MACROD2: variants seen among roughly 807,000 people sequenced by gnomAD.
MACROD2 encodes the protein ADP-ribose glycohydrolase MACROD2.
A neutral mutation model predicts 70.4 loss-of-function variants in MACROD2; 36 were observed. The observed-to-expected ratio is 0.51, with a 90% CI of 0.39 to 0.68. The LOEUF is 0.68. Among genes scored for constraint, MACROD2 ranks in the 30% least tolerant of loss-of-function variants. The pLI, the probability that MACROD2 is intolerant of heterozygous loss-of-function variation, is 0.00. For missense variants in MACROD2, 496 were observed against 538.4 expected (o/e 0.92, Z 0.78); for synonymous variants, 172 against 178.8 (o/e 0.96, Z 0.30).
At chr20:15,365,113 A>C (rs2045389821) in intron 6 of MACROD2, among the ~76,000 whole-genome samples, 1 of 152,188 alleles carries the variant, frequency 6.6e-6, no homozygotes, top group South Asian at 2.1e-4. Context: ...ATTGTACCAC[A>C]CATTAGTTTT....
intron 8 of MACROD2, among the ~76,000 whole-genome samples, chr20:15,595,337 A>T (rs575599535): frequency 1.3e-5 from 2 of 152,348 alleles, no homozygotes; most frequent in East Asian, 1.9e-4. Context: ...AGGAATCCTC[A>T]TACAAAAAAT....
At chr20:14,212,844 T>C (rs2081581603) in intron 3 of MACROD2, among the ~76,000 whole-genome samples, 1 of 151,716 alleles carries the variant, frequency 6.6e-6, no homozygotes, top group Non-Finnish European at 1.5e-5. Flanking sequence ...AGCCACTCAA[T>C]AGAGGAAGGT....
intron 7 of MACROD2, among the ~76,000 whole-genome samples, chr20:15,485,278 G>A (rs550987777): frequency 2.7e-5 from 4 of 150,816 alleles, no homozygotes; most frequent in African/African-American, 7.3e-5. Flanking sequence ...ACATCGACTC[G>A]ATTTTTCCCT....
intron 3 of MACROD2, among the ~76,000 whole-genome samples, chr20:14,256,917 G>T (rs1489601583): frequency 1.3e-5 from 2 of 151,956 alleles, no homozygotes; most frequent in Non-Finnish European, 2.9e-5. Flanking sequence ...ATTTTCCCAT[G>T]ATCTTCTAAT....
intron 4 of MACROD2, among the ~76,000 whole-genome samples, chr20:14,645,682 G>A (rs1293587039): frequency 6.6e-6 from 1 of 151,926 alleles, no homozygotes; most frequent in African/African-American, 2.4e-5. Flanking sequence ...AATTTTCATG[G>A]TACATTATTT....
At chr20:15,313,762 G>A (rs571328120) in intron 6 of MACROD2, among the ~76,000 whole-genome samples, 37 of 152,264 alleles carry the variant, frequency 2.4e-4, no homozygotes, top group Non-Finnish European at 1.5e-5. Flanking sequence ...ATAAATGAAT[G>A]TCTATGTGTA....
intron 5 of MACROD2, among the ~76,000 whole-genome samples, chr20:14,841,496 C>G (rs948378402): frequency 6.0e-5 from 9 of 150,816 alleles, no homozygotes; most frequent in Admixed American, 4.0e-4. Flanking sequence ...TGGAGACTAC[C>G]TGAGATTACC....
chr20:15,393,287 A>C (rs1361385571), intron 6 of MACROD2, among the ~76,000 whole-genome samples: 1 of 152,172 alleles, frequency 6.6e-6, no homozygotes, highest in East Asian at 1.9e-4. Flanking sequence ...ATTGGAAGGG[A>C]ACAGATGGGG....
intron 6 of MACROD2, among the ~76,000 whole-genome samples, chr20:15,379,676 T>C (rs1210078916): frequency 1.3e-5 from 2 of 152,350 alleles, no homozygotes; most frequent in Non-Finnish European, 2.9e-5. Context: ...TACTCCTCTC[T>C]GTCTCCACCA....
In MACROD2 at chr20:13,995,567, G is replaced by T; in HGVS notation, c.-197G>T. On this transcript the variant is annotated 5_prime_UTR_variant, in exon 1 of 18. Coordinates refer to ENST00000684519, the MANE Select transcript of MACROD2 (RefSeq NM_001351661.2). The surrounding 1 kb of genome is among the most constrained non-coding windows in gnomAD (Gnocchi z 4.3). ...GGCGTCCGCGGGGCTGAGGCGGGTG[G>T]GAGCCGGAGCCGAGCGCGGGCTGAG... The T allele has an allele frequency of 3.0e-6, 2 of 658,382 alleles. No individual in the cohort carries two copies. The highest frequency in any genetic ancestry group is 5.6e-6 in the Non-Finnish European group (2 of 357,532). 40.8% of individuals were successfully genotyped at this position (658,382 alleles called of 1,614,324 possible). A position where few individuals can be genotyped will look rare whatever the true frequency, so the allele number is the denominator to read the frequency against.
At chr20:15,785,773 A>G (rs955353107) in intron 8 of MACROD2, among the ~76,000 whole-genome samples, 1 of 152,148 alleles carries the variant, frequency 6.6e-6, no homozygotes, top group African/African-American at 2.4e-5. Context: ...CTTTCTCTTC[A>G]TCCCGATACT....
At chr20:15,678,573 A>G (rs896995861) in intron 8 of MACROD2, among the ~76,000 whole-genome samples, 2 of 152,118 alleles carry the variant, frequency 1.3e-5, no homozygotes, top group Non-Finnish European at 2.9e-5. Flanking sequence ...GTTAGCCAGG[A>G]TGGTCTCAAT....
At chr20:14,065,997 A>G (rs142920510) in intron 2 of MACROD2, among the ~76,000 whole-genome samples, 1 of 152,214 alleles carries the variant, frequency 6.6e-6, no homozygotes, top group Non-Finnish European at 1.5e-5. Flanking sequence ...CTTTAGTTTC[A>G]TTATCCATAG....
At chr20:15,392,707 T>C (rs758900908) in intron 6 of MACROD2, among the ~76,000 whole-genome samples, 2 of 152,156 alleles carry the variant, frequency 1.3e-5, no homozygotes, top group African/African-American at 2.4e-5. Flanking sequence ...GTTCTCTCTC[T>C]TTCCCTTGCT....
At chr20:14,434,114 A>T (rs1480073893) in intron 3 of MACROD2, among the ~76,000 whole-genome samples, 1 of 152,160 alleles carries the variant, frequency 6.6e-6, no homozygotes, top group African/African-American at 2.4e-5. Context: ...AGACAAGTGA[A>T]CACAAAACTG....
intron 5 of MACROD2, among the ~76,000 whole-genome samples, chr20:14,738,851 A>G (rs912517929): frequency 6.6e-6 from 1 of 152,006 alleles, no homozygotes; most frequent in African/African-American, 2.4e-5. Context: ...TGGAAAACAG[A>G]AGGGAAAATA....
At chr20:14,707,169 G>A (rs1168557847) in intron 5 of MACROD2, among the ~76,000 whole-genome samples, 1 of 152,126 alleles carries the variant, frequency 6.6e-6, no homozygotes, top group African/African-American at 2.4e-5. Flanking sequence ...TCTCCTAAAA[G>A]GCTGGGATGA....
chr20:15,217,068 G>C (rs1357972822), intron 5 of MACROD2, among the ~76,000 whole-genome samples: 1 of 151,936 alleles, frequency 6.6e-6, no homozygotes, highest in African/African-American at 2.4e-5. Flanking sequence ...TACACCACCC[G>C]CAACAACAAA....
At chr20:14,616,471 G>A (rs1239005026) in intron 4 of MACROD2, among the ~76,000 whole-genome samples, 1 of 152,022 alleles carries the variant, frequency 6.6e-6, no homozygotes, top group African/African-American at 2.4e-5. Context: ...ATGAATTTTG[G>A]TGAATAATAT....
Sources: gnomAD v4.1 joint callset for allele counts (sites outside exome capture counted in the v4.1 genomes callset) on GRCh38, gnomAD v4.1.1 for gene constraint, Gnocchi (gnomAD v3.1) non-coding constraint, MANE v1.5 for transcripts, NCBI Gene and HGNC (gene_info 2026-07-23, HGNC 2026-07-21) for gene names.